Variants in ESRRB observed in about 807,000 individuals in gnomAD.
The protein encoded by ESRRB is steroid hormone receptor ERR2.
A neutral mutation model predicts 46.0 loss-of-function variants in ESRRB; 16 were observed. The ratio of observed to expected loss-of-function variants is 0.35; its 90% CI spans 0.24 to 0.53. The LOEUF is 0.53. Among genes scored for constraint, ESRRB ranks in the 20% least tolerant of loss-of-function variants. ESRRB has a pLI of 0.93. For synonymous variants in ESRRB, 246 were observed against 259.6 expected (o/e 0.95, Z 0.50); for missense variants, 488 against 607.4 (o/e 0.80, Z 2.07).
intron 1 of ESRRB, among the ~76,000 whole-genome samples, chr14:76,438,863 C>T (rs750803045): frequency 2.0e-5 from 3 of 152,018 alleles, no homozygotes; most frequent in African/African-American, 7.2e-5. Flanking sequence ...CGTAGGGGTG[C>T]GATCATAGCT....
At chr14:76,494,941 C>T (rs933207014) in intron 6 of ESRRB, among the ~76,000 whole-genome samples, 2 of 152,188 alleles carry the variant, frequency 1.3e-5, no homozygotes, top group African/African-American at 4.8e-5. Context: ...GTGTCTCCTC[C>T]ACTCTTACTT....
Position 76,366,058 on chromosome 14 carries a change from G to A in ESRRB, c.2+55142G>A, listed in dbSNP as rs1325680927. Among the ~76,000 whole-genome samples, 3 of 152,110 alleles carry A rather than the reference G, an allele frequency of 2.0e-5. No homozygotes were observed. The East Asian group carries it at 5.8e-4, about 29-fold the overall frequency. Reference sequence around the variant, plus strand: ...GATTTGCTTGTTATTAAATGCCAGCGTTCTCAGGAAAAGCAAGCCTCTCCC... The same window carrying A: ...GATTTGCTTGTTATTAAATGCCAGCATTCTCAGGAAAAGCAAGCCTCTCCC... On this transcript the variant is annotated intron_variant, in intron 1 of 6. Coordinates refer to the ESRRB transcript ENST00000512784.
chr14:76,391,221 A>G (rs1408135707), intron 1 of ESRRB, among the ~76,000 whole-genome samples: 6 of 152,204 alleles, frequency 3.9e-5, no homozygotes, highest in African/African-American at 1.4e-4. Flanking sequence ...GGAAAGAGCA[A>G]GAGTGCGTTT....
At position 76,499,793 on chromosome 14, in the gene ESRRB, T is replaced by C. The variant is rs1220142665; in HGVS notation, c.*1335T>C. On this transcript the variant is annotated 3_prime_UTR_variant, in exon 7 of 7. Coordinates refer to ENST00000644823, the MANE Select transcript of ESRRB (RefSeq NM_001379180.1). ...CACACGGGGACAGTGGGTCACTCTATTTCTGTGGATGGCCGTGAAAGTTTT... is the reference window on the plus strand; with the variant it reads ...CACACGGGGACAGTGGGTCACTCTACTTCTGTGGATGGCCGTGAAAGTTTT... 6.0e-6 allele frequency: 8 copies of C among 1,340,092 alleles called. No homozygotes were observed. Among genetic ancestry groups the C allele is most frequent in the African/African-American group, 5.7e-5 (4 of 69,680 alleles). The allele number at this position is 1,340,092 out of a possible 1,614,324, so 83.0% of individuals were successfully genotyped here.
At chr14:76,313,316 A>ATTTTTTTTTTTT (rs34795014) in intron 1 of ESRRB, among the ~76,000 whole-genome samples, 1 of 150,370 alleles carries the variant, frequency 6.7e-6, no homozygotes, top group Non-Finnish European at 1.5e-5. Flanking sequence ...CATCAAATTC[A>ATTTTTTTTTTTT]TTTTTTTTTT....
intron 1 of ESRRB, among the ~76,000 whole-genome samples, chr14:76,437,180 C>G (rs551847810): frequency 6.6e-6 from 1 of 152,194 alleles, no homozygotes; most frequent in African/African-American, 2.4e-5. Flanking sequence ...TACAGGCCGG[C>G]GCCACCATGC....
chr14:76,483,946 C>T (rs990029365), intron 5 of ESRRB, among the ~76,000 whole-genome samples: 1 of 152,184 alleles, frequency 6.6e-6, no homozygotes, highest in Non-Finnish European at 1.5e-5. Context: ...CTTCGCCCCC[C>T]AGGTTCAAGT....
intron 3 of ESRRB, among the ~76,000 whole-genome samples, chr14:76,473,258 G>A (rs1165897904): frequency 6.6e-6 from 1 of 152,178 alleles, no homozygotes; most frequent in African/African-American, 2.4e-5. Flanking sequence ...AATGAGATAC[G>A]GGTATGAAAT....
At chr14:76,321,146 T>G (rs1883862262) in intron 1 of ESRRB, among the ~76,000 whole-genome samples, 1 of 152,252 alleles carries the variant, frequency 6.6e-6, no homozygotes, top group Non-Finnish European at 1.5e-5. Context: ...CCGTAAGTCC[T>G]TAACTCTATT....
rs770573648 is a variant in ESRRB, at chr14:76,499,642, C to G, written c.*1184C>G. The G allele has an allele frequency of 1.1e-5, 7 of 610,244 alleles. No homozygotes were observed. The South Asian group carries it at 1.3e-4, about 11-fold the overall frequency. The allele number at this position is 610,244 out of a possible 1,614,324, so 37.8% of individuals were successfully genotyped here. ...GCTACCAGAGGTTTGGTGTAGCTCC[C>G]CTGGGCACCGCGAGCACGCCAGCTC... On this transcript the variant is annotated 3_prime_UTR_variant, in exon 7 of 7. Transcript: ENST00000644823.
At chr14:76,364,508 G>T (rs978112197) in intron 1 of ESRRB, among the ~76,000 whole-genome samples, 1 of 152,134 alleles carries the variant, frequency 6.6e-6, no homozygotes, top group Non-Finnish European at 1.5e-5. Context: ...GGCCAACATG[G>T]TGAAAACCCA....
Position 76,501,485 on chromosome 14 carries a change from C to T in ESRRB, c.*3027C>T, listed in dbSNP as rs1890657533. On this transcript the variant is annotated 3_prime_UTR_variant, in exon 7 of 7. Coordinates refer to ENST00000644823, the MANE Select transcript of ESRRB (RefSeq NM_001379180.1). ...ACCCACCTGTGTCGGTGGGGGGGGC[C>T]TCCTTTCCCCATAGACTCTGCCCTC... 6.6e-6 allele frequency: 1 copy of T among 152,188 alleles called. No homozygotes were observed. The highest frequency in any genetic ancestry group is 1.5e-5 in the Non-Finnish European group (1 of 68,056). 9.4% of individuals were successfully genotyped at this position (152,188 alleles called of 1,614,324 possible). A position where few individuals can be genotyped will look rare whatever the true frequency, so the allele number is the denominator to read the frequency against.
intron 1 of ESRRB, among the ~76,000 whole-genome samples, chr14:76,438,065 C>G (rs1832323127): frequency 6.6e-6 from 1 of 152,044 alleles, no homozygotes; most frequent in Admixed American, 6.6e-5. Flanking sequence ...GGAGACATGT[C>G]TCTTGGGGGA....
At chr14:76,338,933 A>T (rs1350475982) in intron 1 of ESRRB, among the ~76,000 whole-genome samples, 1 of 152,252 alleles carries the variant, frequency 6.6e-6, no homozygotes, top group African/African-American at 2.4e-5. Context: ...ACAAAGCTAG[A>T]TTCCGTCCCC....
At chr14:76,463,070 A>C in intron 3 of ESRRB, 1 of 264,336 alleles carries the variant, frequency 3.8e-6, no homozygotes, top group Non-Finnish European at 7.4e-6. Context: ...TGTTCCCTTC[A>C]CCTGTGAAGA....
chr14:76,331,918 C>T (rs550507617), intron 1 of ESRRB, among the ~76,000 whole-genome samples: 11 of 152,032 alleles, frequency 7.2e-5, no homozygotes, highest in South Asian at 2.1e-4. Flanking sequence ...AGGTGCCCAG[C>T]GCCCAGTCAT....
intron 1 of ESRRB, among the ~76,000 whole-genome samples, chr14:76,401,157 A>C (rs1885926150): frequency 6.6e-6 from 1 of 152,258 alleles, no homozygotes; most frequent in African/African-American, 2.4e-5. Flanking sequence ...AAAGGGAACA[A>C]AAGAGGAAGC....
At chr14:76,365,605 T>C (rs1168637024) in intron 1 of ESRRB, among the ~76,000 whole-genome samples, 1 of 152,164 alleles carries the variant, frequency 6.6e-6, no homozygotes, top group Non-Finnish European at 1.5e-5. Flanking sequence ...TTCTGAACCA[T>C]TAGGAATTTA....
intron 1 of ESRRB, among the ~76,000 whole-genome samples, chr14:76,359,783 A>G (rs1884441255): frequency 6.6e-6 from 1 of 152,166 alleles, no homozygotes; most frequent in South Asian, 2.1e-4. Context: ...GAAGGTAAGC[A>G]TGAGAAGGGA....
Sources: allele counts gnomAD v4.1 joint callset (sites outside exome capture counted in the v4.1 genomes callset), GRCh38; gene constraint gnomAD v4.1.1; transcripts MANE v1.5; gene names NCBI Gene and HGNC (gene_info 2026-07-23, HGNC 2026-07-21).